The following TPRA1 variants were observed in gnomAD, a reference collection of about 807,000 sequenced individuals.
TPRA1 encodes transmembrane protein adipocyte associated 1.
In TPRA1, 28 loss-of-function variants were observed where a neutral mutation model predicts 40.1. That is an observed-to-expected ratio of 0.70 (90% CI 0.52 to 0.96). The LOEUF is 0.96. TPRA1 is among the 40% of genes least tolerant of loss of function. The pLI is 0.00. For synonymous variants in TPRA1, 219 were observed against 209.7 expected (o/e 1.04, Z -0.38); for missense variants, 441 against 482.6 (o/e 0.91, Z 0.81).
chr3:127,591,384 C>T (rs187316605), upstream of TPRA1, among the ~76,000 whole-genome samples: 207 of 152,334 alleles, frequency 1.4e-3, 1 homozygote, highest in African/African-American at 4.8e-3. Flanking sequence ...TGACCAAAGC[C>T]GCGCAATGAG....
At chr3:127,586,581 A>C (rs192812448) in intron 1 of TPRA1, among the ~76,000 whole-genome samples, 1 of 152,086 alleles carries the variant, frequency 6.6e-6, no homozygotes, top group African/African-American at 2.4e-5. Context: ...CTGGTCTAGA[A>C]CTCTGGACCT....
chr3:127,579,016 C>G (rs113770940), intron 3 of TPRA1, among the ~76,000 whole-genome samples: 1 of 149,748 alleles, frequency 6.7e-6, no homozygotes, highest in Non-Finnish European at 1.5e-5. Context: ...CACACCTGGA[C>G]AGCCCACACC....
upstream of TPRA1, among the ~76,000 whole-genome samples, chr3:127,592,297 G>T (rs1051371067): frequency 6.6e-5 from 10 of 151,718 alleles, no homozygotes; most frequent in Non-Finnish European, 1.5e-5. Flanking sequence ...CCCTCTGTAA[G>T]GTTCTTGTAT....
At chr3:127,591,128 C>T (rs1036207026), upstream of TPRA1, 5 of 152,144 alleles carry the variant, frequency 3.3e-5, no homozygotes, top group Non-Finnish European at 5.9e-5. Context: ...GGGGACCGCC[C>T]CCTCGCGTGC....
intron 1 of TPRA1, among the ~76,000 whole-genome samples, chr3:127,584,153 A>G (rs1197435567): frequency 6.6e-6 from 1 of 151,126 alleles, no homozygotes; most frequent in Non-Finnish European, 1.5e-5. Context: ...AAAAAAAGCA[A>G]ACTTGACAGG....
intron 1 of TPRA1, 128 bp from the exon 2 acceptor site, chr3:127,580,291 C>T (rs1023905377): frequency 1.9e-6 from 2 of 1,061,514 alleles, no homozygotes; most frequent in Non-Finnish European, 2.7e-6. Context: ...ACCCTCCCCA[C>T]CCACTGCAGC....
upstream of TPRA1, chr3:127,591,065 C>T (rs2074158075): frequency 6.6e-6 from 1 of 152,192 alleles, no homozygotes; most frequent in South Asian, 2.1e-4. Flanking sequence ...TGGCGGCAGC[C>T]GCGCTCCACC....
intron 1 of TPRA1, 59 bp from the exon 2 acceptor site, chr3:127,580,222 C>T: frequency 6.4e-7 from 1 of 1,552,330 alleles, no homozygotes; most frequent in Non-Finnish European, 8.7e-7. Context: ...CCTCCTTCCC[C>T]TGGACCTGGG....
intron 1 of TPRA1, among the ~76,000 whole-genome samples, chr3:127,586,911 G>A (rs1158778898): frequency 1.3e-5 from 2 of 152,126 alleles, no homozygotes; most frequent in South Asian, 2.1e-4. Flanking sequence ...GGGCGGGGTG[G>A]GCTTCTGGTT....
intron 1 of TPRA1, among the ~76,000 whole-genome samples, chr3:127,585,190 G>A (rs145590965): frequency 6.1e-4 from 93 of 152,274 alleles, no homozygotes; most frequent in Middle Eastern, 3.4e-3. Context: ...ATTTTGAGCC[G>A]AGATCTCAAT....
At chr3:127,581,338 G>A (rs1443936176) in intron 1 of TPRA1, among the ~76,000 whole-genome samples, 3 of 152,216 alleles carry the variant, frequency 2.0e-5, no homozygotes, top group Non-Finnish European at 4.4e-5. Context: ...CACTTGCACA[G>A]CATAAAAAGA....
upstream of TPRA1, among the ~76,000 whole-genome samples, chr3:127,594,064 A>T (rs1336748286): frequency 6.6e-6 from 1 of 152,214 alleles, no homozygotes; most frequent in Non-Finnish European, 1.5e-5. Context: ...TGACAAGTAC[A>T]TGGAAAACTT....
At position 127,575,811 on chromosome 3, in the gene TPRA1, T is replaced by C. The variant is rs1441908055; in HGVS notation, c.610-2A>G. On this transcript the variant is annotated splice_acceptor_variant, in intron 7 of 10. Transcript: ENST00000355552. LOFTEE classifies it high-confidence loss of function. ...AAGGATGACCACCAGAGAGTAGACC[T>C]ACAGAGACAGGCAGGGCTGAGAAGG... 1 of 1,613,838 alleles carries C rather than the reference T, an allele frequency of 6.2e-7. No individual in the cohort carries two copies. The highest frequency in any genetic ancestry group is 1.1e-5 in the South Asian group (1 of 91,084).
At chr3:127,574,950 T>C in intron 10 of TPRA1, 1 of 577,458 alleles carries the variant, frequency 1.7e-6, no homozygotes, top group Non-Finnish European at 3.1e-6. Flanking sequence ...GTGTGCATGC[T>C]TGTGCATCCG....
chr3:127,581,706 A>G lies in TPRA1; in HGVS notation c.-17-1543T>C, dbSNP rs2073837620. On this transcript the variant is annotated intron_variant, in intron 1 of 10. Transcript: ENST00000355552. ...GGCGGGCAGATTGCCTGAGCTCAGGAGTTCGGGACCAGCCTAGACAACATG... is the reference window on the plus strand; with the variant it reads ...GGCGGGCAGATTGCCTGAGCTCAGGGGTTCGGGACCAGCCTAGACAACATG... Among the ~76,000 whole-genome samples, 4 of 151,704 alleles carry G rather than the reference A, an allele frequency of 2.6e-5. No individual in the cohort carries two copies. In the South Asian group the frequency reaches 8.3e-4, roughly 32 times the overall value.
rs17496853 is a variant in TPRA1, at chr3:127,597,457, T to C, written c.-391+550A>G. 2.9e-3 allele frequency among the ~76,000 whole-genome samples: 443 copies of C among 152,360 alleles called. 2 individuals are homozygous for C. Among genetic ancestry groups the C allele is most frequent in the African/African-American group, 9.8e-3 (409 of 41,586 alleles). On this transcript the variant is annotated intron_variant, in intron 1 of 3. Transcript: ENST00000462228. ...CAGAATACAGAATAGTCAAACTCTC[T>C]AGAAAAACATCTAGCTCTTTTTTGA...
chr3:127,589,997 GCC>G (rs2074120252), intron 1 of TPRA1, among the ~76,000 whole-genome samples: 1 of 152,226 alleles, frequency 6.6e-6, no homozygotes, highest in Admixed American at 6.5e-5. Context: ...GGGCAGCAAA[GCC>G]CCGAACCGGC....
intron 1 of TPRA1, among the ~76,000 whole-genome samples, chr3:127,584,900 T>G (rs182895472): frequency 1.5e-3 from 225 of 152,136 alleles, no homozygotes; most frequent in Middle Eastern, 3.4e-3. Flanking sequence ...CCCTCCTCCC[T>G]TCCCGGTGGC....
At chr3:127,577,800 G>A (rs901485889) in intron 3 of TPRA1, among the ~76,000 whole-genome samples, 3 of 152,226 alleles carry the variant, frequency 2.0e-5, no homozygotes, top group East Asian at 1.9e-4. Flanking sequence ...GGCCTGGGAC[G>A]CAGCACTGGC....
Sources: gnomAD v4.1 joint callset for allele counts (sites outside exome capture counted in the v4.1 genomes callset) on GRCh38, gnomAD v4.1.1 for gene constraint, MANE v1.5 for transcripts, NCBI Gene and HGNC (gene_info 2026-07-23, HGNC 2026-07-21) for gene names.